SLC23A2: variants seen among roughly 807,000 people sequenced by gnomAD.
The protein encoded by SLC23A2 is Na(+)/L-ascorbic acid transporter 2.
A neutral mutation model predicts 73.3 loss-of-function variants in SLC23A2; 36 were observed. The ratio of observed to expected loss-of-function variants is 0.49; its 90% CI spans 0.38 to 0.65. The LOEUF is 0.65. Ranked by LOEUF, SLC23A2 falls within the 30% of genes least tolerant of loss-of-function variation. The probability of loss-of-function intolerance (pLI) is 0.00; values close to 1 mark genes in which losing one functional copy is unlikely to be tolerated. For synonymous variants in SLC23A2, 343 were observed against 327.3 expected, an observed-to-expected ratio of 1.05 and a Z score of -0.52; for missense variants, 507 against 841.6, an observed-to-expected ratio of 0.60 and a Z score of 4.92.
At chr20:4,925,865 AC>A (rs1932654393) in intron 3 of SLC23A2, among the ~76,000 whole-genome samples, 1 of 152,150 alleles carries the variant, frequency 6.6e-6, no homozygotes, top group Non-Finnish European at 1.5e-5. Context: ...CCTTCATCTG[AC>A]CGGCAAGGCC....
intron 9 of SLC23A2, among the ~76,000 whole-genome samples, chr20:4,880,122 T>C (rs1353301885): frequency 6.6e-6 from 1 of 152,170 alleles, no homozygotes; most frequent in Non-Finnish European, 1.5e-5. Context: ...AAGAAAACAA[T>C]GGTCCATGGT....
intron 3 of SLC23A2, 85 bp from the exon 4 acceptor site, chr20:4,913,063 G>C (rs1312055141): frequency 7.0e-6 from 6 of 853,978 alleles, no homozygotes; most frequent in Non-Finnish European, 1.2e-5. Flanking sequence ...CTCCTGGTGA[G>C]TGCATGACCA....
upstream of SLC23A2, among the ~76,000 whole-genome samples, chr20:5,002,175 C>CA (rs1213897756): frequency 6.6e-6 from 1 of 152,134 alleles, no homozygotes; most frequent in Non-Finnish European, 1.5e-5. Context: ...GCAGAAAGGC[C>CA]AAGTGTAAAT....
intron 6 of SLC23A2, among the ~76,000 whole-genome samples, chr20:4,887,893 G>A (rs1931168498): frequency 1.3e-5 from 2 of 152,196 alleles, no homozygotes; most frequent in African/African-American, 4.8e-5. Flanking sequence ...ATATGCACAC[G>A]TTAAACGAGA....
intron 2 of SLC23A2, among the ~76,000 whole-genome samples, chr20:4,966,476 T>G (rs1211779671): frequency 6.6e-6 from 1 of 152,192 alleles, no homozygotes; most frequent in Non-Finnish European, 1.5e-5. Flanking sequence ...CCAACTGGTA[T>G]GTGCTATGAA....
At chr20:4,901,268 C>T (rs1931734504) in intron 5 of SLC23A2, among the ~76,000 whole-genome samples, 1 of 152,100 alleles carries the variant, frequency 6.6e-6, no homozygotes, top group African/African-American at 2.4e-5. Flanking sequence ...CAACTGGAAA[C>T]TCAACCAAAG....
At chr20:4,983,582 T>C (rs925344457) in intron 1 of SLC23A2, among the ~76,000 whole-genome samples, 3 of 131,776 alleles carry the variant, frequency 2.3e-5, no homozygotes, top group Non-Finnish European at 5.0e-5. Flanking sequence ...GGCAGCGGAG[T>C]TTGCAGTGAG....
upstream of SLC23A2, chr20:5,001,523 C>T (rs993991817): frequency 5.3e-5 from 8 of 150,356 alleles, no homozygotes; most frequent in Non-Finnish European, 1.2e-4. Context: ...CGCGGAGGGG[C>T]GGGCCGGGGG....
chr20:4,926,070 C>G (rs1932660771), intron 3 of SLC23A2, among the ~76,000 whole-genome samples: 1 of 152,126 alleles, frequency 6.6e-6, no homozygotes, highest in Non-Finnish European at 1.5e-5. Flanking sequence ...TGGGCTCTTC[C>G]CATTACATGT....
At position 4,885,808 on chromosome 20, in the gene SLC23A2, T is replaced by A. The variant is rs896698454; in HGVS notation, c.571+13A>T. 2 of 1,585,972 alleles carry A rather than the reference T, an allele frequency of 1.3e-6. No homozygotes were observed. Among genetic ancestry groups the A allele is most frequent in the Non-Finnish European group, 1.7e-6 (2 of 1,154,462 alleles). On this transcript the variant is annotated intron_variant, in intron 7 of 16. Coordinates refer to ENST00000338244, the MANE Select transcript of SLC23A2 (RefSeq NM_005116.6). ...AGGACCCCAATGACATATGTGGAAA[T>A]AACTGCAATTACCTGTGGTGTTACA...
At chr20:5,009,879 A>C (rs1252073213) in intron 1 of SLC23A2, among the ~76,000 whole-genome samples, 3 of 152,092 alleles carry the variant, frequency 2.0e-5, no homozygotes, top group African/African-American at 7.2e-5. Context: ...GCGGATCATG[A>C]GGTCAGGAGA....
At chr20:4,966,153 G>A (rs1443768273) in intron 2 of SLC23A2, among the ~76,000 whole-genome samples, 1 of 152,086 alleles carries the variant, frequency 6.6e-6, no homozygotes, top group African/African-American at 2.4e-5. Flanking sequence ...CTGGGGTAGG[G>A]GGCAGCAGGG....
At chr20:4,943,674 CA>C (rs552051541) in intron 2 of SLC23A2, among the ~76,000 whole-genome samples, 1,769 of 78,860 alleles carry the variant, frequency 0.022, 17 homozygotes, top group African/African-American at 0.068. Flanking sequence ...GACTCTGTCT[CA>C]AAAAAAAAAA....
intron 1 of SLC23A2, among the ~76,000 whole-genome samples, chr20:4,986,766 A>G (rs1394991774): frequency 6.6e-6 from 1 of 151,876 alleles, no homozygotes; most frequent in East Asian, 1.9e-4. Context: ...AGTTGACCGT[A>G]TTCAAGAAAT....
At chr20:4,989,947 C>T (rs1429328354) in intron 1 of SLC23A2, among the ~76,000 whole-genome samples, 3 of 152,156 alleles carry the variant, frequency 2.0e-5, no homozygotes, top group Non-Finnish European at 2.9e-5. Context: ...GACTCCACTT[C>T]CCAGCCCCCT....
intron 6 of SLC23A2, among the ~76,000 whole-genome samples, chr20:4,897,096 C>T (rs992765074): frequency 3.3e-5 from 5 of 152,358 alleles, no homozygotes; most frequent in Non-Finnish European, 7.4e-5. Context: ...TCGATGTCAC[C>T]ATTGCGCCCC....
At chr20:4,915,818 G>C (rs1932301544) in intron 3 of SLC23A2, among the ~76,000 whole-genome samples, 1 of 152,028 alleles carries the variant, frequency 6.6e-6, no homozygotes, top group South Asian at 2.1e-4. Context: ...CGTGGTGATG[G>C]GCGCCTCTAA....
In SLC23A2 at chr20:4,912,988, C is replaced by T; in HGVS notation, c.109-10G>A. 1 of 1,586,394 alleles carries T rather than the reference C, an allele frequency of 6.3e-7. No individual in the cohort carries two copies. Among genetic ancestry groups the T allele is most frequent in the South Asian group, 1.1e-5 (1 of 90,516 alleles). On this transcript the variant is annotated splice_polypyrimidine_tract_variant and intron_variant, in intron 3 of 16. Transcript: ENST00000338244. ...CTCCATTTATCACCACCTGCAGAGA[C>T]AATCCACTTAGAGGCTGTTTCAGCG...
intron 2 of SLC23A2, among the ~76,000 whole-genome samples, chr20:4,953,113 C>G (rs1305719647): frequency 1.3e-5 from 2 of 152,020 alleles, no homozygotes; most frequent in Non-Finnish European, 2.9e-5. Flanking sequence ...CCAGACCACC[C>G]TGTCCAACAT....
Sources: allele counts gnomAD v4.1 joint callset (sites outside exome capture counted in the v4.1 genomes callset), GRCh38; gene constraint gnomAD v4.1.1; transcripts MANE v1.5; gene names NCBI Gene and HGNC (gene_info 2026-07-23, HGNC 2026-07-21).